The following NR1I3 variants were observed in gnomAD, a reference collection of about 807,000 sequenced individuals.
NR1I3 encodes the protein constitutive activator of retinoid response.
A neutral mutation model predicts 38.4 loss-of-function variants in NR1I3; 30 were observed. That is an observed-to-expected ratio of 0.78 (90% CI 0.58 to 1.06). The LOEUF (loss-of-function observed/expected upper bound fraction) is 1.06, where lower values mean the gene tolerates loss of function less well. NR1I3 is among the 50% of genes least tolerant of loss of function. NR1I3 has a pLI of 0.00. For missense variants in NR1I3, 388 were observed against 435.7 expected (o/e 0.89, Z 0.97); for synonymous variants, 143 against 165.1 (o/e 0.87, Z 1.03).
At chr1:161,236,140 C>T in intron 2 of NR1I3, 163 bp from the exon 3 acceptor site, 1 of 788,038 alleles carries the variant, frequency 1.3e-6, no homozygotes, top group Non-Finnish European at 2.0e-6. Flanking sequence ...TCAAGCATTT[C>T]CATGGCAACA....
At chr1:161,234,159 ATT>A (rs57947332) in intron 3 of NR1I3, among the ~76,000 whole-genome samples, 24 of 139,198 alleles carry the variant, frequency 1.7e-4, no homozygotes, top group African/African-American at 4.5e-4. Flanking sequence ...CGCCCTGCTA[ATT>A]TTTTTTTTTT....
Position 161,233,356 on chromosome 1 carries a change from T to A in NR1I3, c.239-18A>T. 1.2e-6 allele frequency: 2 copies of A among 1,610,226 alleles called. No homozygotes were observed. Among genetic ancestry groups the A allele is most frequent in the Non-Finnish European group, 1.7e-6 (2 of 1,179,054 alleles). ...CAGTATCACTGTGCCAGGCAAGAGA[T>A]CATGACAAAGCTGTTGAGACCAGCA... On this transcript the variant is annotated intron_variant, in intron 3 of 8. Coordinates refer to ENST00000367983, the MANE Select transcript of NR1I3 (RefSeq NM_005122.5).
chr1:161,231,494 A>T lies in NR1I3; in HGVS notation c.549-20T>A. The T allele has an allele frequency of 6.4e-7, 1 of 1,574,326 alleles. No individual in the cohort carries two copies. Among genetic ancestry groups the T allele is most frequent in the South Asian group, 1.2e-5 (1 of 83,320 alleles). On this transcript the variant is annotated intron_variant, in intron 5 of 8. Coordinates refer to ENST00000367983, the MANE Select transcript of NR1I3 (RefSeq NM_005122.5). ...AGGGAACTGTGGAAAGCAGGAAACA[A>T]GGACACTTTTCAATTTTTTTTTTTC...
chr1:161,232,973 G>A, intron 4 of NR1I3, 27 bp from the exon 5 acceptor site: 1 of 1,613,576 alleles, frequency 6.2e-7, no homozygotes, highest in Non-Finnish European at 8.5e-7. Context: ...ATTAGCTAGA[G>A]GCTCTGGCCC....
At position 161,230,811 on chromosome 1, in the gene NR1I3, A is replaced by T. The variant is rs1370082820; in HGVS notation, c.917+2T>A. On this transcript the variant is annotated splice_donor_variant, in intron 8 of 8. Coordinates refer to ENST00000367983, the MANE Select transcript of NR1I3 (RefSeq NM_005122.5). LOFTEE classifies it high-confidence loss of function. Reference sequence around the variant, plus strand: ...CTCCAAGCCCTCAGTGTCCCACCGTACCGATCCCGGGGCCTTCGCTGCTGG... The same window carrying T: ...CTCCAAGCCCTCAGTGTCCCACCGTTCCGATCCCGGGGCCTTCGCTGCTGG... 1 of 1,614,072 alleles carries T rather than the reference A, an allele frequency of 6.2e-7. No homozygotes were observed. The highest frequency in any genetic ancestry group is 8.5e-7 in the Non-Finnish European group (1 of 1,180,024).
rs1277616753 is a variant in NR1I3 at position 161,233,256 on chromosome 1, A to T, written c.321T>A (p.Ser107Arg). Residue 107 changes from serine (S) to arginine (R), a missense_variant, in exon 4 of 9, where the codon AGT (serine) becomes AGA (arginine). Physicochemically the swap from Ser to Arg is moderately radical, Grantham distance 110 (BLOSUM62 -1). Transcript: ENST00000367983. ...RRAQQTPVQL[S>R]KEQEELIRTL... ...TCCGGATCAGCTCTTCTTGCTCCTT[A>T]CTCAGTTGCACAGGTGTTTGCTGTG... 1.9e-6 allele frequency: 3 copies of T among 1,613,202 alleles called. No homozygotes were observed. In the South Asian group the frequency reaches 3.3e-5, roughly 18 times the overall value.
chr1:161,236,958 GTTTTTTTGTTTATT>G (rs1571758096), intron 1 of NR1I3, among the ~76,000 whole-genome samples: 2 of 147,188 alleles, frequency 1.4e-5, no homozygotes, highest in South Asian at 2.1e-4. Flanking sequence ...GCCCAGGTTG[GTTTTTTTGTTTATT>G]TTTTTTTGTT....
chr1:161,238,089 G>A lies in NR1I3; in HGVS notation c.-82C>T, dbSNP rs758722723. The A allele has an allele frequency of 6.2e-7, 1 of 1,613,632 alleles. No homozygotes were observed. The highest frequency in any genetic ancestry group is 8.5e-7 in the Non-Finnish European group (1 of 1,179,580). On this transcript the variant is annotated 5_prime_UTR_variant, in exon 1 of 9. Transcript: ENST00000367983. ...ACCTGCAGGCCACAGAATCTGGTAT[G>A]GAATGCCTCTCCCCAAACTCCCACG... is the stretch of plus-strand genomic sequence containing the variant.
chr1:161,232,450 A>G (rs1481388476), intron 5 of NR1I3, among the ~76,000 whole-genome samples: 1 of 152,016 alleles, frequency 6.6e-6, no homozygotes, highest in African/African-American at 2.4e-5. Context: ...GGCACCCACC[A>G]TCATGCCCAG....
intron 1 of NR1I3, among the ~76,000 whole-genome samples, chr1:161,236,914 TA>T (rs67896969): frequency 1.4e-4 from 19 of 139,866 alleles, no homozygotes; most frequent in African/African-American, 2.8e-4. Flanking sequence ...TTTATTTATT[TA>T]TTTTTTTTGT....
At chr1:161,233,415 C>T in intron 3 of NR1I3, 77 bp from the exon 4 acceptor site, 3 of 1,501,770 alleles carry the variant, frequency 2.0e-6, no homozygotes, top group Admixed American at 1.7e-5. Context: ...TGATCTGGGG[C>T]CCCTCAGCTG....
intron 3 of NR1I3, chr1:161,235,558 G>C (rs1351011492): frequency 1.6e-5 from 5 of 306,098 alleles, no homozygotes; most frequent in Non-Finnish European, 2.5e-5. Context: ...GTGAGCCACC[G>C]CGCCCGGCCT....
At chr1:161,232,732 G>A in intron 5 of NR1I3, 75 bp downstream of exon 5, 2 of 1,430,324 alleles carry the variant, frequency 1.4e-6, no homozygotes, top group Non-Finnish European at 2.0e-6. Context: ...ATAATTTGTA[G>A]TCAGTGACTT....
rs1035121726 is a variant in NR1I3 at position 161,233,010 on chromosome 1, C to T, written c.409-64G>A. 2.0e-5 allele frequency: 32 copies of T among 1,600,428 alleles called. No individual in the cohort carries two copies. In the Admixed American group the frequency reaches 5.3e-4, roughly 27 times the overall value. On this transcript the variant is annotated intron_variant, in intron 4 of 8. Transcript: ENST00000367983. ...AGGGCCCTCCTTTAGGCCTCGCCAG[C>T]CTTATCTTGGAAGAGTTCCTTGCTG...
At chr1:161,230,617 A>C in intron 8 of NR1I3, 196 bp downstream of exon 8, 3 of 693,688 alleles carry the variant, frequency 4.3e-6, no homozygotes, top group Non-Finnish European at 7.1e-6. Context: ...AGTGAGATGA[A>C]ACAGCAGTAT....
At chr1:161,232,438 C>T (rs1667559802) in intron 5 of NR1I3, among the ~76,000 whole-genome samples, 1 of 152,170 alleles carries the variant, frequency 6.6e-6, no homozygotes, top group Non-Finnish European at 1.5e-5. Flanking sequence ...CCTGGGACTA[C>T]AGGCACCCAC....
Position 161,229,728 on chromosome 1 carries a change from C to T in NR1I3, c.*69G>A, listed in dbSNP as rs3813629. On this transcript the variant is annotated 3_prime_UTR_variant, in exon 9 of 9. Transcript: ENST00000367983. Reference sequence around the variant, plus strand: ...CTTTGAACCCGGCCCAATCTTTGGTCCCAGCATTTTCCCACTCCAGTGTAT... The same window carrying T: ...CTTTGAACCCGGCCCAATCTTTGGTTCCAGCATTTTCCCACTCCAGTGTAT... 6.2e-7 allele frequency: 1 copy of T among 1,614,188 alleles called. No homozygotes were observed. The highest frequency in any genetic ancestry group is 2.2e-5 in the East Asian group (1 of 44,886).
chr1:161,233,436 C>G, intron 3 of NR1I3, 98 bp from the exon 4 acceptor site: 1 of 1,314,934 alleles, frequency 7.6e-7, no homozygotes, highest in Non-Finnish European at 1.1e-6. Flanking sequence ...CCCTGCACAA[C>G]GAAGGATGGG....
chr1:161,233,748 GT>G (rs1284333038), intron 3 of NR1I3, among the ~76,000 whole-genome samples: 1 of 151,512 alleles, frequency 6.6e-6, no homozygotes, highest in African/African-American at 2.4e-5. Flanking sequence ...TTTATCTGAT[GT>G]TTTAGCAAAA....
Sources: gnomAD v4.1 joint callset for allele counts (sites outside exome capture counted in the v4.1 genomes callset) on GRCh38, gnomAD v4.1.1 for gene constraint, MANE v1.5 for transcripts, NCBI Gene and HGNC (gene_info 2026-07-23, HGNC 2026-07-21) for gene names.